CRTAC1: variants seen among roughly 807,000 people sequenced by gnomAD.
CRTAC1 encodes the protein cartilage acidic protein 1.
Under a neutral mutation model 67.8 loss-of-function variants are expected in CRTAC1, and 37 were observed. The ratio of observed to expected loss-of-function variants is 0.55; its 90% CI spans 0.42 to 0.72. The LOEUF is 0.72. Among genes scored for constraint, CRTAC1 ranks in the 30% least tolerant of loss-of-function variants. The pLI is 0.00. For synonymous variants in CRTAC1, 348 were observed against 371.0 expected (o/e 0.94, Z 0.71); for missense variants, 780 against 931.6 (o/e 0.84, Z 2.12).
intron 2 of CRTAC1, 50 bp from the exon 3 acceptor site, chr10:97,936,416 C>G: frequency 6.8e-7 from 1 of 1,474,238 alleles, no homozygotes; most frequent in Non-Finnish European, 9.3e-7. Context: ...CTGGGCCCAC[C>G]CAGTCCCATC....
In CRTAC1 at chr10:98,030,534, C is replaced by CCGCCGG. The variant is rs1843354107; in HGVS notation, c.-68_-63dup. The CCGCCGG allele has an allele frequency of 2.7e-6, 3 of 1,128,410 alleles. No individual in the cohort carries two copies. Among genetic ancestry groups the CCGCCGG allele is most frequent in the Admixed American group, 4.3e-5 (1 of 23,278 alleles). The allele number at this position is 1,128,410 out of a possible 1,614,324, so 69.9% of individuals were successfully genotyped here. ...AAGCGGGCGCTCGCTGCCGCCTCTG[C>CCGCCGG]CGCCGGCGCCGCCGCCTGCTTGCTC... On this transcript the variant is annotated 5_prime_UTR_variant, in exon 1 of 15. Transcript: ENST00000370597. This position sits in a 1 kb window ranked among gnomAD's most constrained non-coding sequence, Gnocchi z 4.2.
chr10:97,992,167 G>C (rs1017430470), intron 2 of CRTAC1, among the ~76,000 whole-genome samples: 1 of 152,134 alleles, frequency 6.6e-6, no homozygotes, highest in East Asian at 1.9e-4. Context: ...ATAGCCTGGT[G>C]CCGCTGCTTC....
intron 2 of CRTAC1, among the ~76,000 whole-genome samples, chr10:98,006,267 C>G (rs915787116): frequency 2.6e-5 from 4 of 152,200 alleles, no homozygotes; most frequent in African/African-American, 9.7e-5. Context: ...TTTCTATTTA[C>G]TGAAAAAACA....
chr10:97,989,864 A>T (rs556716463), intron 2 of CRTAC1, among the ~76,000 whole-genome samples: 1 of 152,342 alleles, frequency 6.6e-6, no homozygotes, highest in African/African-American at 2.4e-5. Flanking sequence ...GCGTGACTCC[A>T]TCATTTCTCT....
Position 97,880,375 on chromosome 10 carries a change from G to T in CRTAC1, c.1693C>A (p.Gln565Lys), listed in dbSNP as rs781188490. The T allele has an allele frequency of 4.3e-5, 70 of 1,613,924 alleles. No homozygotes were observed. In the Admixed American group the frequency reaches 1.1e-3, roughly 27 times the overall value. Residue 565 changes from glutamine (Q) to lysine (K), a missense_variant, in exon 14 of 15, where the codon CAG becomes AAG. Transcript: ENST00000370597. The part of the protein sequence containing the change: ...GHCMDTNECI[Q>K]FPFVCPRDKP... Reference sequence around the variant, plus strand: ...TCTCGAGGGCACACGAATGGGAACTGGATGCATTCATTGGTGTCTGCAAGG... The same window carrying T: ...TCTCGAGGGCACACGAATGGGAACTTGATGCATTCATTGGTGTCTGCAAGG...
At chr10:97,956,591 C>G (rs1368856650) in intron 2 of CRTAC1, among the ~76,000 whole-genome samples, 2 of 146,130 alleles carry the variant, frequency 1.4e-5, no homozygotes, top group Non-Finnish European at 1.6e-5. Flanking sequence ...AAACAGAAAA[C>G]CTACCACTAG....
chr10:97,981,106 A>G (rs1327765268), intron 2 of CRTAC1, among the ~76,000 whole-genome samples: 1 of 152,208 alleles, frequency 6.6e-6, no homozygotes, highest in African/African-American at 2.4e-5. Flanking sequence ...AGAGAAACAC[A>G]TAATTGTTCC....
At chr10:98,005,100 A>ATATATATATTT in intron 2 of CRTAC1, among the ~76,000 whole-genome samples, 20 of 48,890 alleles carry the variant, frequency 4.1e-4, no homozygotes, top group African/African-American at 2.2e-3. Context: ...ATATATATAT[A>ATATATATATTT]TTTTTTTTTT....
In CRTAC1 at chr10:97,997,601, C is replaced by T. The variant is rs1055169455; in HGVS notation, c.224+13537G>A. Reference sequence around the variant, plus strand: ...GAACACATTTAACACCCAAGGACTGCGGATATTAGAACTGTCAAATACAGA... The same window carrying T: ...GAACACATTTAACACCCAAGGACTGTGGATATTAGAACTGTCAAATACAGA... On this transcript the variant is annotated intron_variant, in intron 2 of 14. Coordinates refer to ENST00000370597, the MANE Select transcript of CRTAC1 (RefSeq NM_018058.7). Among the ~76,000 whole-genome samples, 9 of 151,852 alleles carry T rather than the reference C, an allele frequency of 5.9e-5. No individual in the cohort carries two copies. The East Asian group carries it at 7.7e-4, about 13-fold the overall frequency.
chr10:97,906,690 G>C (rs1435624822), intron 6 of CRTAC1, among the ~76,000 whole-genome samples: 1 of 152,164 alleles, frequency 6.6e-6, no homozygotes, highest in African/African-American at 2.4e-5. Context: ...GACAGGCCAG[G>C]GGAGTCCAAC....
At chr10:97,934,286 C>T (rs1456051503) in intron 3 of CRTAC1, among the ~76,000 whole-genome samples, 2 of 152,226 alleles carry the variant, frequency 1.3e-5, no homozygotes, top group African/African-American at 4.8e-5. Flanking sequence ...CCAATCTTGG[C>T]TTGGCTGGAG....
chr10:97,942,764 T>C (rs909871187), intron 2 of CRTAC1, among the ~76,000 whole-genome samples: 1 of 149,128 alleles, frequency 6.7e-6, no homozygotes, highest in African/African-American at 2.5e-5. Flanking sequence ...TTTTTTCCAT[T>C]AAAAAGTGAA....
chr10:97,888,080 G>A lies in CRTAC1; in HGVS notation c.1487-3729C>T, dbSNP rs570390643. On this transcript the variant is annotated intron_variant, in intron 11 of 14. Coordinates refer to ENST00000370597, the MANE Select transcript of CRTAC1 (RefSeq NM_018058.7). ...CAGAGGTCCGAGAGATCCCAGAGCC[G>A]GTATCTACTGTGCCCCTGTTACACT... 6.6e-5 allele frequency among the ~76,000 whole-genome samples: 10 copies of A among 152,308 alleles called. No individual in the cohort carries two copies. The East Asian group carries it at 1.5e-3, about 24-fold the overall frequency.
chr10:97,997,717 A>G (rs1842610614), intron 2 of CRTAC1, among the ~76,000 whole-genome samples: 1 of 152,218 alleles, frequency 6.6e-6, no homozygotes, highest in African/African-American at 2.4e-5. Context: ...TATCAGGGAG[A>G]TTTGAAAAGA....
Position 97,953,632 on chromosome 10 carries a change from A to G in CRTAC1, c.225-17266T>C, listed in dbSNP as rs567501567. Among the ~76,000 whole-genome samples, 19 of 152,280 alleles carry G rather than the reference A, an allele frequency of 1.2e-4. No homozygotes were observed. The South Asian group carries it at 2.7e-3, about 22-fold the overall frequency. On this transcript the variant is annotated intron_variant, in intron 2 of 14. Transcript: ENST00000370597. Reference sequence around the variant, plus strand: ...AGTTGCATAGCGCATTGATGGCTTAATCCTCTCAGCAATCCAGTGGGGTCA... The same window carrying G: ...AGTTGCATAGCGCATTGATGGCTTAGTCCTCTCAGCAATCCAGTGGGGTCA...
chr10:97,870,237 T>C (rs1259030309), intron 14 of CRTAC1: 1 of 152,200 alleles, frequency 6.6e-6, no homozygotes, highest in East Asian at 1.9e-4. Context: ...AAGGTAAGGC[T>C]GAGAATCCCT....
In CRTAC1 at chr10:97,901,563, T is replaced by C. The variant is rs757133057; in HGVS notation, c.1073A>G (p.Glu358Gly). ...AATGTTGTTGAAGAAGATCTCCAGC[T>C]CCTGGTCATTGTCAAAGTCGGCGGT... is the stretch of plus-strand genomic sequence containing the variant. ...VITADFDNDQ[E>G]LEIFFNNIAY... is the part of the protein sequence containing the mutation. Residue 358 changes from glutamate (E) to glycine (G), a missense_variant, in exon 8 of 15, where the codon GAG becomes GGG. Glu to Gly is a moderately conservative substitution (Grantham distance 98, BLOSUM62 -2). Coordinates refer to ENST00000370597, the MANE Select transcript of CRTAC1 (RefSeq NM_018058.7). 1 of 1,614,186 alleles carries C rather than the reference T, an allele frequency of 6.2e-7. No individual in the cohort carries two copies. Among genetic ancestry groups the C allele is most frequent in the South Asian group, 1.1e-5 (1 of 91,078 alleles).
At chr10:97,991,575 AT>A in intron 2 of CRTAC1, among the ~76,000 whole-genome samples, 1 of 152,298 alleles carries the variant, frequency 6.6e-6, no homozygotes, top group Admixed American at 6.5e-5. Flanking sequence ...AAAGAAACAT[AT>A]TCATACTCAA....
intron 8 of CRTAC1, among the ~76,000 whole-genome samples, chr10:97,898,035 T>C (rs2050485452): frequency 1.3e-5 from 2 of 152,188 alleles, no homozygotes; most frequent in Non-Finnish European, 1.5e-5. Context: ...TGCATGAGTG[T>C]GATGCCCACA....
Sources: gnomAD v4.1 joint callset for allele counts (sites outside exome capture counted in the v4.1 genomes callset) on GRCh38, gnomAD v4.1.1 for gene constraint, Gnocchi (gnomAD v3.1) non-coding constraint, MANE v1.5 for transcripts, NCBI Gene and HGNC (gene_info 2026-07-23, HGNC 2026-07-21) for gene names.